The following PCDHGA8 variants were observed in gnomAD, a reference collection of about 807,000 sequenced individuals.
PCDHGA8 encodes the protein protocadherin gamma subfamily A, 8.
PCDHGA8 carries 45 observed loss-of-function variants against 59.2 expected under a neutral mutation model. The ratio of observed to expected loss-of-function variants is 0.76; its 90% confidence interval spans 0.60 to 0.98. The LOEUF (loss-of-function observed/expected upper bound fraction) is 0.98. PCDHGA8 is among the 50% of genes least tolerant of loss of function. The pLI, the probability that PCDHGA8 is intolerant of heterozygous loss-of-function variation, is 0.00. For synonymous variants in PCDHGA8, 531 were observed against 519.0 expected (o/e 1.02, Z -0.32); for missense variants, 1,257 against 1,196.2 (o/e 1.05, Z -0.75).
intron 2 of PCDHGA8, among the ~76,000 whole-genome samples, chr5:141,501,279 A>T (rs1180397181): frequency 3.0e-5 from 4 of 135,444 alleles, no homozygotes. Context: ...AGTCTATGGG[A>T]TATTCCCTTA....
At position 141,392,956 on chromosome 5, in the gene PCDHGA8, T is replaced by G; in HGVS notation, c.143T>G (p.Ile48Ser). Residue 48 changes from isoleucine (I) to serine (S), a missense_variant, in exon 1 of 4, where the codon ATC becomes AGC. By Grantham distance (142) the Ile-to-Ser change is moderately radical. Transcript: ENST00000398604. ...ETDKGSFVGNISKDLGLDPRK... is the reference protein window; with the variant it reads ...ETDKGSFVGNSSKDLGLDPRK... ...GACAAAGGCTCCTTCGTGGGTAATA[T>G]CTCCAAGGACCTGGGGCTGGACCCC... The G allele has an allele frequency of 6.2e-7, 1 of 1,613,820 alleles. No homozygotes were observed. Among genetic ancestry groups the G allele is most frequent in the South Asian group, 1.1e-5 (1 of 91,076 alleles).
rs769872504 is a variant in PCDHGA8, at chr5:141,394,062, A to G, written c.1249A>G (p.Ile417Val). 2.5e-6 allele frequency: 4 copies of G among 1,613,808 alleles called. No homozygotes were observed. The South Asian group carries it at 4.4e-5, about 18-fold the overall frequency. The change falls in exon 1 of 4, where the codon ATC becomes GTC. Residue 417 changes from isoleucine to valine, a missense_variant. Coordinates refer to ENST00000398604, the MANE Select transcript of PCDHGA8 (RefSeq NM_032088.2). ...ATATTTGGACCGAGAAAATGTCTCT[A>G]TCTACAATATCACAGTGATGGCCTC... is the stretch of plus-strand genomic sequence containing the variant. ...RKYLDRENVS[I>V]YNITVMASDL...
chr5:141,393,055 G>A lies in PCDHGA8; in HGVS notation c.242G>A (p.Ser81Asn), dbSNP rs1225924697. ...RTQLFALNPR[S>N]GSLITAGRID... ...CAGCTCTTTGCTCTGAACCCGCGCA[G>A]CGGCAGCTTGATCACCGCGGGCAGG... The change falls in exon 1 of 4, where the codon AGC becomes AAC. Residue 81 changes from serine (S) to asparagine (N), a missense_variant. Coordinates refer to ENST00000398604, the MANE Select transcript of PCDHGA8 (RefSeq NM_032088.2). The A allele has an allele frequency of 6.2e-7, 1 of 1,613,678 alleles. No homozygotes were observed. Among genetic ancestry groups the A allele is most frequent in the South Asian group, 1.1e-5 (1 of 91,066 alleles).
In PCDHGA8 at chr5:141,433,837, CA is replaced by C. The variant is rs56191208; in HGVS notation, c.2424+38618del. ...GGGCAACAAGAGTGAAACTCTATCT[CA>C]AAAAAAAAAAAAAAAAACTTTATCC... On this transcript the variant is annotated intron_variant, in intron 1 of 3. Coordinates refer to ENST00000398604, the MANE Select transcript of PCDHGA8 (RefSeq NM_032088.2). Among the ~76,000 whole-genome samples, 895 of 111,670 alleles carry C rather than the reference CA, an allele frequency of 8.0e-3. 6 individuals carry two copies. Among genetic ancestry groups the C allele is most frequent in the South Asian group, 0.02 (67 of 3,288 alleles). The allele number at this position is 111,670 out of a possible 152,430, so 73.3% of individuals were successfully genotyped here. A position where few individuals can be genotyped will look rare whatever the true frequency, so the allele number is the denominator to read the frequency against.
At chr5:141,409,185 C>A in intron 1 of PCDHGA8, 1 of 1,614,024 alleles carries the variant, frequency 6.2e-7, no homozygotes, top group Non-Finnish European at 8.5e-7. Flanking sequence ...GGTGGTCTCT[C>A]TACCCAGTGT....
Position 141,512,288 on chromosome 5 carries a change from TCAGCGGAGCCCCAGCAGGAAGGGTGGGC to T in PCDHGA8, c.*1120_*1147del, listed in dbSNP as rs1375137843. The T allele has an allele frequency of 6.5e-6, 1 of 152,680 alleles. No individual in the cohort carries two copies. Among genetic ancestry groups the T allele is most frequent in the Non-Finnish European group, 1.5e-5 (1 of 68,182 alleles). The allele number at this position is 152,680 out of a possible 1,614,324, so 9.5% of individuals were successfully genotyped here. ...TCCAGAGGTGCCACTGGTGGAAGGG[TCAGCGGAGCCCCAGCAGGAAGGGTGGGC>T]CAGCCAGGCCATTCTTAGTCCCTGG... On this transcript the variant is annotated 3_prime_UTR_variant, in exon 4 of 4. Coordinates refer to ENST00000398604, the MANE Select transcript of PCDHGA8 (RefSeq NM_032088.2).
intron 2 of PCDHGA8, among the ~76,000 whole-genome samples, chr5:141,504,794 A>G (rs2099841154): frequency 6.6e-6 from 1 of 151,718 alleles, no homozygotes; most frequent in African/African-American, 2.4e-5. Flanking sequence ...GGCCTCCTAC[A>G]TCTCCCCCTA....
intron 2 of PCDHGA8, among the ~76,000 whole-genome samples, chr5:141,502,200 C>T (rs553356132): frequency 6.6e-6 from 1 of 152,252 alleles, no homozygotes; most frequent in African/African-American, 2.4e-5. Flanking sequence ...AATATAGAAT[C>T]CACCAGCAGA....
intron 1 of PCDHGA8, among the ~76,000 whole-genome samples, chr5:141,475,339 T>C (rs1295364417): frequency 1.3e-5 from 2 of 152,188 alleles, no homozygotes; most frequent in Non-Finnish European, 2.9e-5. Flanking sequence ...AACAATGACA[T>C]CCAGTTTTAA....
chr5:141,497,003 A>C (rs928317358), intron 2 of PCDHGA8, among the ~76,000 whole-genome samples: 2 of 152,148 alleles, frequency 1.3e-5, no homozygotes, highest in African/African-American at 4.8e-5. Context: ...CTGGCAGCCA[A>C]CATGGTGAAA....
At chr5:141,428,102 G>A (rs774075619) in intron 1 of PCDHGA8, 1 of 1,608,518 alleles carries the variant, frequency 6.2e-7, no homozygotes, top group Non-Finnish European at 8.5e-7. Context: ...CCTACCACGT[G>A]CTGCAGGCCA....
chr5:141,421,741 C>A lies in PCDHGA8; in HGVS notation c.2424+26504C>A. 3 of 1,613,902 alleles carry A rather than the reference C, an allele frequency of 1.9e-6. No individual in the cohort carries two copies. The South Asian group carries it at 3.3e-5, about 18-fold the overall frequency. ...GGGCGTGAACTCCCTCCAGAGCTAC[C>A]AGCTCAGCCCTAATAATTACTTTTC... On this transcript the variant is annotated intron_variant, in intron 1 of 3. Transcript: ENST00000398604.
intron 1 of PCDHGA8, among the ~76,000 whole-genome samples, chr5:141,456,033 G>A (rs1398584179): frequency 6.6e-6 from 1 of 151,884 alleles, no homozygotes; most frequent in Non-Finnish European, 1.5e-5. Flanking sequence ...GAGTAGCTGG[G>A]ACTACAGGCG....
intron 1 of PCDHGA8, among the ~76,000 whole-genome samples, chr5:141,469,061 G>C (rs960166489): frequency 1.3e-5 from 2 of 152,010 alleles, no homozygotes; most frequent in African/African-American, 4.8e-5. Flanking sequence ...AGGATTGCTT[G>C]AGCCTAGGAG....
chr5:141,458,990 C>T (rs2098958778), intron 1 of PCDHGA8, among the ~76,000 whole-genome samples: 1 of 152,212 alleles, frequency 6.6e-6, no homozygotes, highest in Non-Finnish European at 1.5e-5. Context: ...GCCTCACCCT[C>T]CCAAAGTGCT....
At chr5:141,488,157 C>T (rs565677003) in intron 1 of PCDHGA8, among the ~76,000 whole-genome samples, 2 of 152,216 alleles carry the variant, frequency 1.3e-5, no homozygotes, top group South Asian at 2.1e-4. Context: ...TAGAGAGGCA[C>T]GCATCAGAGT....
At chr5:141,426,423 G>T in intron 1 of PCDHGA8, 1 of 290,954 alleles carries the variant, frequency 3.4e-6, no homozygotes, top group Non-Finnish European at 6.8e-6. Context: ...AGGGCTCCGT[G>T]GTGGGGAACC....
intron 1 of PCDHGA8, chr5:141,418,890 G>A (rs1449142412): frequency 1.9e-6 from 3 of 1,613,934 alleles, no homozygotes; most frequent in Non-Finnish European, 2.5e-6. Flanking sequence ...AACGACAACA[G>A]CCCAGAAATA....
At chr5:141,455,605 T>C (rs930071553) in intron 1 of PCDHGA8, among the ~76,000 whole-genome samples, 2 of 152,098 alleles carry the variant, frequency 1.3e-5, no homozygotes, top group African/African-American at 4.8e-5. Flanking sequence ...TAGGGCGCCA[T>C]GGATGTTCTA....
Sources: allele counts gnomAD v4.1 joint callset (sites outside exome capture counted in the v4.1 genomes callset), GRCh38; gene constraint gnomAD v4.1.1; transcripts MANE v1.5; gene names NCBI Gene and HGNC (gene_info 2026-07-23, HGNC 2026-07-21).